KAZN: variants seen among roughly 807,000 people sequenced by gnomAD.
KAZN encodes kazrin, periplakin interacting protein.
KAZN carries 40 observed loss-of-function variants against 87.4 expected under a neutral mutation model. The observed-to-expected ratio is 0.46, with a 90% CI of 0.36 to 0.60. KAZN has a LOEUF of 0.60. Among genes scored for constraint, KAZN ranks in the 20% least tolerant of loss-of-function variants. The probability of loss-of-function intolerance (pLI) is 0.00; values close to 1 mark genes in which losing one functional copy is unlikely to be tolerated. For synonymous variants in KAZN, 466 were observed against 458.3 expected, an observed-to-expected ratio of 1.02 and a Z score of -0.22; for missense variants, 898 against 1,073.9, an observed-to-expected ratio of 0.84 and a Z score of 2.29.
At chr1:15,103,529 A>C (rs976726349) in intron 12 of KAZN, 69 bp downstream of exon 12, 1 of 925,616 alleles carries the variant, frequency 1.1e-6, no homozygotes, top group African/African-American at 1.6e-5. Context: ...CTATATGCAA[A>C]TCAATATGCA....
chr1:14,145,765 G>T (rs1645335380), intron 1 of KAZN, among the ~76,000 whole-genome samples: 1 of 152,100 alleles, frequency 6.6e-6, no homozygotes, highest in African/African-American at 2.4e-5. Flanking sequence ...ATTTTTAGTA[G>T]AGACAGGGTT....
Position 15,101,718 on chromosome 1 carries a change from C to A in KAZN, c.1723C>A (p.Gln575Lys). ...KHLNVSKKFHQVSILLGIELL... is the reference protein window; with the variant it reads ...KHLNVSKKFHKVSILLGIELL... ...CCTGAACGTGTCCAAGAAGTTCCAC[C>A]AGGTCAGCATCCTGCTGGGGATCGA... The change falls in exon 11 of 15, where the codon CAG becomes AAG. Residue 575 changes from glutamine to lysine, a missense_variant. By Grantham distance (53) the Gln-to-Lys change is moderately conservative. Around this residue, in one of 3 missense-constraint regions of KAZN, gnomAD observed 521 missense variants for 689.4 expected, o/e 0.76. Coordinates refer to ENST00000376030, the MANE Select transcript of KAZN (RefSeq NM_201628.3). 2 of 1,595,026 alleles carry A rather than the reference C, an allele frequency of 1.3e-6. No homozygotes were observed. The highest frequency in any genetic ancestry group is 8.5e-7 in the Non-Finnish European group (1 of 1,170,634).
chr1:14,792,945 C>T (rs1387702314), intron 1 of KAZN, among the ~76,000 whole-genome samples: 1 of 145,772 alleles, frequency 6.9e-6, no homozygotes, highest in Non-Finnish European at 1.5e-5. Context: ...CATTGCACTC[C>T]AGCCTGGCAA....
chr1:14,241,163 C>A (rs953805572), intron 2 of KAZN, among the ~76,000 whole-genome samples: 2 of 152,184 alleles, frequency 1.3e-5, no homozygotes, highest in African/African-American at 4.8e-5. Flanking sequence ...GTCCCAACAA[C>A]CTTGGGTGGG....
At chr1:13,929,772 G>T (rs545276876) in intron 1 of KAZN, among the ~76,000 whole-genome samples, 2 of 152,298 alleles carry the variant, frequency 1.3e-5, no homozygotes, top group East Asian at 3.9e-4. Flanking sequence ...AGAAGGGAGA[G>T]AATTAAACTA....
chr1:15,085,571 T>A (rs185261188), intron 8 of KAZN, among the ~76,000 whole-genome samples: 45 of 152,252 alleles, frequency 3.0e-4, no homozygotes, highest in African/African-American at 8.9e-4. Flanking sequence ...CAAGCAAGCC[T>A]CCCGCCTTAG....
At chr1:14,653,703 A>T (rs1292096561) in intron 1 of KAZN, among the ~76,000 whole-genome samples, 1 of 152,194 alleles carries the variant, frequency 6.6e-6, no homozygotes, top group East Asian at 1.9e-4. Context: ...TTGTAATACC[A>T]ACATGGTGCC....
At chr1:14,721,898 G>A (rs1255214363) in intron 1 of KAZN, among the ~76,000 whole-genome samples, 2 of 152,128 alleles carry the variant, frequency 1.3e-5, no homozygotes, top group African/African-American at 4.8e-5. Context: ...TCACACCTGT[G>A]ATCCCAGCAC....
intron 1 of KAZN, among the ~76,000 whole-genome samples, chr1:13,946,878 G>A (rs56931511): frequency 0.13 from 19,339 of 148,510 alleles, 1,294 homozygotes; most frequent in South Asian, 0.22. Context: ...CACAAACTTA[G>A]TGGCTTACAA....
At chr1:14,018,804 C>T (rs1640688877) in intron 1 of KAZN, among the ~76,000 whole-genome samples, 1 of 152,192 alleles carries the variant, frequency 6.6e-6, no homozygotes, top group African/African-American at 2.4e-5. Context: ...CATGGTCCCC[C>T]TGAGTTCTCA....
intron 1 of KAZN, among the ~76,000 whole-genome samples, chr1:14,602,339 A>C (rs1225159823): frequency 1.3e-5 from 2 of 152,168 alleles, no homozygotes; most frequent in African/African-American, 4.8e-5. Flanking sequence ...CCCTCCTGCA[A>C]CTGAGTTGGA....
intron 8 of KAZN, among the ~76,000 whole-genome samples, chr1:15,085,465 T>C (rs2100647786): frequency 6.6e-6 from 1 of 152,264 alleles, no homozygotes; most frequent in South Asian, 2.1e-4. Context: ...GTAGCTGGGA[T>C]TACAGGCATC....
intron 1 of KAZN, among the ~76,000 whole-genome samples, chr1:14,908,097 C>T (rs1207037001): frequency 6.6e-6 from 1 of 152,208 alleles, no homozygotes; most frequent in African/African-American, 2.4e-5. Flanking sequence ...AAGAGCAGAG[C>T]CATCAAAAGC....
At chr1:14,514,622 TATATA>T (rs1671204173) in intron 2 of KAZN, among the ~76,000 whole-genome samples, 1 of 45,898 alleles carries the variant, frequency 2.2e-5, no homozygotes, top group Non-Finnish European at 4.7e-5. Context: ...TATATATATA[TATATA>T]TATATATATA....
chr1:14,586,935 C>T (rs1675888556), intron 2 of KAZN, among the ~76,000 whole-genome samples: 1 of 152,100 alleles, frequency 6.6e-6, no homozygotes, highest in Admixed American at 6.5e-5. Context: ...ATGTTTTTTC[C>T]TCACTTGCTG....
chr1:14,203,844 A>G (rs562986878), intron 2 of KAZN, among the ~76,000 whole-genome samples: 2 of 152,196 alleles, frequency 1.3e-5, no homozygotes, highest in South Asian at 2.1e-4. Context: ...TTAGTGTCCC[A>G]AATGTTCATA....
chr1:14,224,305 A>T lies in KAZN; in HGVS notation c.249+43713A>T, dbSNP rs78217090. Among the ~76,000 whole-genome samples, 1,171 of 152,320 alleles carry T rather than the reference A, an allele frequency of 7.7e-3. 7 individuals are homozygous for T. The highest frequency in any genetic ancestry group is 0.018 in the African/African-American group (748 of 41,570). ...GAAGGACCAACGAAAGCAAAGCATA[A>T]GGAGTAGAACATGTCAGGAACAACC... is the stretch of plus-strand genomic sequence containing the variant. On this transcript the variant is annotated intron_variant, in intron 2 of 16. Coordinates refer to the KAZN transcript ENST00000636203.
intron 10 of KAZN, among the ~76,000 whole-genome samples, chr1:15,095,877 A>G (rs546219016): frequency 5.3e-5 from 8 of 152,242 alleles, no homozygotes; most frequent in Admixed American, 1.3e-4. Context: ...GCATGACTCT[A>G]GGGTGGCAGG....
At chr1:14,573,330 T>C (rs947460215) in intron 2 of KAZN, among the ~76,000 whole-genome samples, 1 of 152,128 alleles carries the variant, frequency 6.6e-6, no homozygotes, top group African/African-American at 2.4e-5. Flanking sequence ...CCCATACACC[T>C]CTTTTCTACA....
Sources: allele counts gnomAD v4.1 joint callset (sites outside exome capture counted in the v4.1 genomes callset), GRCh38; gene constraint gnomAD v4.1.1; regional missense constraint gnomAD v4.1.1; transcripts MANE v1.5; gene names NCBI Gene and HGNC (gene_info 2026-07-23, HGNC 2026-07-21).